PTPRN2: variants seen among roughly 807,000 people sequenced by gnomAD.
PTPRN2 encodes the protein protein tyrosine phosphatase receptor type N2.
Under a neutral mutation model 118.8 loss-of-function variants are expected in PTPRN2, and 74 were observed. The observed-to-expected ratio is 0.62, with a 90% CI of 0.52 to 0.76. The LOEUF is 0.76. Among genes scored for constraint, PTPRN2 ranks in the 30% least tolerant of loss-of-function variants. The pLI, the probability that PTPRN2 is intolerant of heterozygous loss-of-function variation, is 0.00. For synonymous variants in PTPRN2, 641 were observed against 608.0 expected, an observed-to-expected ratio of 1.05 and a Z score of -0.80; for missense variants, 1,481 against 1,394.4, an observed-to-expected ratio of 1.06 and a Z score of -0.99.
chr7:158,407,128 T>A (rs144742849), intron 2 of PTPRN2, among the ~76,000 whole-genome samples: 1 of 135,406 alleles, frequency 7.4e-6, no homozygotes. Context: ...TCCTGGGTCC[T>A]GGGTCCTGCG....
intron 1 of PTPRN2, among the ~76,000 whole-genome samples, chr7:158,530,287 A>T (rs1245385953): frequency 6.6e-6 from 1 of 152,268 alleles, no homozygotes; most frequent in Non-Finnish European, 1.5e-5. Flanking sequence ...AATGAAATTG[A>T]ATCCAAAATT....
At chr7:158,340,174 T>A (rs1277107698) in intron 2 of PTPRN2, among the ~76,000 whole-genome samples, 2 of 17,964 alleles carry the variant, frequency 1.1e-4, no homozygotes, top group Admixed American at 6.4e-4. Context: ...GACCTGACAC[T>A]CGCAGACGTC....
At chr7:158,058,047 G>GT (rs1809936266) in intron 11 of PTPRN2, among the ~76,000 whole-genome samples, 2 of 152,330 alleles carry the variant, frequency 1.3e-5, no homozygotes, top group African/African-American at 4.8e-5. Flanking sequence ...ATGATCTATT[G>GT]TAAGTAAATC....
intron 2 of PTPRN2, among the ~76,000 whole-genome samples, chr7:158,439,312 G>T (rs1816810382): frequency 6.6e-6 from 1 of 152,190 alleles, no homozygotes; most frequent in Admixed American, 6.5e-5. Context: ...ACTTCCTGAG[G>T]CTGTATCATG....
At position 157,881,672 on chromosome 7, in the gene PTPRN2, G is replaced by A. The variant is rs145840321; in HGVS notation, c.1788+17001C>T. Among the ~76,000 whole-genome samples, 901 of 151,982 alleles carry A rather than the reference G, an allele frequency of 5.9e-3. 4 individuals are homozygous for A. Among genetic ancestry groups the A allele is most frequent in the Middle Eastern group, 0.014 (4 of 294 alleles). On this transcript the variant is annotated intron_variant, in intron 12 of 22. Coordinates refer to ENST00000389418, the MANE Select transcript of PTPRN2 (RefSeq NM_002847.5). The surrounding 1 kb of genome is among the most constrained non-coding windows in gnomAD (Gnocchi z 4.7). ...AGAGGATTTCCTGTTTTCGTGGAACGTTAAGTCCAAGTGCTTGTCAACAGA... is the reference window on the plus strand; with the variant it reads ...AGAGGATTTCCTGTTTTCGTGGAACATTAAGTCCAAGTGCTTGTCAACAGA...
At chr7:157,709,048 G>A (rs1463047634) in intron 12 of PTPRN2, among the ~76,000 whole-genome samples, 3 of 152,204 alleles carry the variant, frequency 2.0e-5, no homozygotes. Flanking sequence ...ACCCTCAGGC[G>A]GCAGAGGAGC....
At chr7:157,612,042 ATACACTGC>A (rs1254384046) in intron 15 of PTPRN2, among the ~76,000 whole-genome samples, 1 of 152,192 alleles carries the variant, frequency 6.6e-6, no homozygotes, top group Non-Finnish European at 1.5e-5. Flanking sequence ...CTTTGGCCAC[ATACACTGC>A]CCATCCCTGG....
At chr7:158,174,432 C>A (rs574312115) in intron 5 of PTPRN2, among the ~76,000 whole-genome samples, 2 of 152,070 alleles carry the variant, frequency 1.3e-5, no homozygotes, top group Admixed American at 1.3e-4. Flanking sequence ...TCACTTCCAC[C>A]ATCAACATGA....
intron 15 of PTPRN2, chr7:157,614,063 C>T (rs781765283): frequency 4.2e-6 from 2 of 471,374 alleles, no homozygotes; most frequent in South Asian, 3.1e-5. Context: ...AGCAGGACTG[C>T]TCAACCGGCC....
chr7:158,182,893 A>C (rs1407069099), intron 5 of PTPRN2, among the ~76,000 whole-genome samples: 1 of 152,180 alleles, frequency 6.6e-6, no homozygotes, highest in Admixed American at 6.5e-5. Context: ...TGAAGTATTG[A>C]GGTCCCCCAG....
At chr7:158,469,814 G>T (rs1007509285) in intron 2 of PTPRN2, among the ~76,000 whole-genome samples, 3 of 151,712 alleles carry the variant, frequency 2.0e-5, no homozygotes, top group Non-Finnish European at 4.4e-5. Context: ...TGGGAGCTGG[G>T]ATCTGTCCTA....
chr7:157,849,577 C>T (rs1441358423), intron 12 of PTPRN2, among the ~76,000 whole-genome samples: 2 of 152,224 alleles, frequency 1.3e-5, no homozygotes, highest in Non-Finnish European at 2.9e-5. Context: ...CTGCATATAA[C>T]AGAAAACTTC....
At chr7:157,743,635 A>G (rs1442444563) in intron 12 of PTPRN2, among the ~76,000 whole-genome samples, 1 of 150,734 alleles carries the variant, frequency 6.6e-6, no homozygotes, top group East Asian at 2.0e-4. Flanking sequence ...TGGGATAGCT[A>G]TCTCCGGGTT....
chr7:158,484,301 G>T (rs954888361), intron 2 of PTPRN2, among the ~76,000 whole-genome samples: 1 of 151,998 alleles, frequency 6.6e-6, no homozygotes, highest in Non-Finnish European at 1.5e-5. Flanking sequence ...AGCCCTACAC[G>T]GCCACAACCT....
At chr7:157,606,613 C>CGTGG (rs1397509984) in intron 15 of PTPRN2, among the ~76,000 whole-genome samples, 13 of 152,238 alleles carry the variant, frequency 8.5e-5, no homozygotes, top group Admixed American at 8.5e-4. Context: ...GCTTGGTGGC[C>CGTGG]GTGGGTCCCC....
At chr7:158,304,620 G>C (rs550551927) in intron 3 of PTPRN2, among the ~76,000 whole-genome samples, 1 of 151,560 alleles carries the variant, frequency 6.6e-6, no homozygotes, top group Non-Finnish European at 1.5e-5. Context: ...AGAAAGATGG[G>C]AAAACACTAA....
At chr7:158,303,168 CAAAA>C (rs542953447) in intron 3 of PTPRN2, among the ~76,000 whole-genome samples, 1 of 119,850 alleles carries the variant, frequency 8.3e-6, no homozygotes, top group Non-Finnish European at 1.8e-5. Flanking sequence ...ACTAACCCAC[CAAAA>C]AAAAAAAAAA....
At chr7:158,270,944 C>T (rs1798419119) in intron 3 of PTPRN2, among the ~76,000 whole-genome samples, 1 of 72,640 alleles carries the variant, frequency 1.4e-5, no homozygotes, top group Non-Finnish European at 2.8e-5. Context: ...CTGGACCACC[C>T]CCCCACCTGG....
intron 2 of PTPRN2, among the ~76,000 whole-genome samples, chr7:158,331,749 A>G (rs1421459626): frequency 1.3e-5 from 2 of 150,592 alleles, no homozygotes; most frequent in Admixed American, 6.6e-5. Flanking sequence ...TGCAGACGTC[A>G]CTCAAACTCA....
Sources: allele counts gnomAD v4.1 joint callset (sites outside exome capture counted in the v4.1 genomes callset), GRCh38; gene constraint gnomAD v4.1.1; non-coding constraint Gnocchi (gnomAD v3.1); transcripts MANE v1.5; gene names NCBI Gene and HGNC (gene_info 2026-07-23, HGNC 2026-07-21).